The following RASA1 variants were observed in gnomAD, a reference collection of about 807,000 sequenced individuals.
RASA1 encodes RAS p21 protein activator 1, also known as ras GTPase-activating protein 1.
RASA1 carries 25 observed loss-of-function variants against 132.2 expected under a neutral mutation model. The ratio of observed to expected loss-of-function variants is 0.19; its 90% confidence interval spans 0.14 to 0.26. The LOEUF (loss-of-function observed/expected upper bound fraction) is 0.26. Ranked by LOEUF, RASA1 falls within the 10% of genes least tolerant of loss-of-function variation. The pLI is 1.00. For missense variants in RASA1, 964 were observed against 1,299.2 expected, an observed-to-expected ratio of 0.74 and a Z score of 3.97; for synonymous variants, 477 against 449.9, an observed-to-expected ratio of 1.06 and a Z score of -0.76.
chr5:87,321,522 G>T (rs1462748031), intron 1 of RASA1, among the ~76,000 whole-genome samples: 3 of 152,182 alleles, frequency 2.0e-5, no homozygotes, highest in African/African-American at 7.2e-5. Flanking sequence ...CTTTGGGTTG[G>T]ATTAATTTGC....
intron 18 of RASA1, among the ~76,000 whole-genome samples, chr5:87,379,482 CA>C (rs1426907104): frequency 6.6e-6 from 1 of 152,080 alleles, no homozygotes; most frequent in African/African-American, 2.4e-5. Flanking sequence ...TTTTTCCCCT[CA>C]AATAAATAGA....
At chr5:87,359,000 G>A (rs142844739) in intron 9 of RASA1, among the ~76,000 whole-genome samples, 12 of 152,204 alleles carry the variant, frequency 7.9e-5, no homozygotes, top group Admixed American at 2.6e-4. Context: ...TCAACCCTGC[G>A]GAGCACTTAC....
intron 16 of RASA1, 30 bp downstream of exon 16, chr5:87,376,595 G>T: frequency 6.2e-7 from 1 of 1,600,150 alleles, no homozygotes. Context: ...TCTTGTTTTT[G>T]TTGGAATTAA....
intron 1 of RASA1, among the ~76,000 whole-genome samples, chr5:87,269,986 A>T (rs1034255873): frequency 4.6e-5 from 7 of 152,216 alleles, no homozygotes; most frequent in African/African-American, 1.7e-4. Flanking sequence ...TCACACCTGT[A>T]ATCCCAGCAC....
intron 18 of RASA1, 37 bp downstream of exon 18, chr5:87,378,575 G>T (rs761577815): frequency 3.2e-6 from 5 of 1,558,288 alleles, no homozygotes; most frequent in Non-Finnish European, 4.4e-6. Context: ...TTTTTGCAAA[G>T]AACATATTTT....
intron 9 of RASA1, among the ~76,000 whole-genome samples, chr5:87,353,778 G>A (rs948267263): frequency 1.3e-5 from 2 of 152,078 alleles, no homozygotes; most frequent in East Asian, 3.9e-4. Context: ...AGACAAAAGT[G>A]AATAGAATCT....
intron 9 of RASA1, among the ~76,000 whole-genome samples, chr5:87,358,230 CAA>C (rs111743082): frequency 1.3e-5 from 2 of 152,208 alleles, no homozygotes; most frequent in African/African-American, 4.8e-5. Context: ...CTTTTTGAGG[CAA>C]GCATTAGACA....
intron 1 of RASA1, among the ~76,000 whole-genome samples, chr5:87,270,751 C>G (rs1561246493): frequency 7.0e-6 from 1 of 142,522 alleles, no homozygotes; most frequent in African/African-American, 2.6e-5. Context: ...TTACCCTAAT[C>G]CATTTTTGAC....
intron 1 of RASA1, among the ~76,000 whole-genome samples, chr5:87,303,979 G>A (rs1208092223): frequency 6.7e-6 from 1 of 150,124 alleles, no homozygotes; most frequent in African/African-American, 2.5e-5. Flanking sequence ...GACCACAGGC[G>A]CCCACCACTA....
intron 1 of RASA1, among the ~76,000 whole-genome samples, chr5:87,308,778 A>G (rs565581592): frequency 2.0e-4 from 30 of 152,348 alleles, no homozygotes; most frequent in South Asian, 4.1e-4. Context: ...ATACACAAAT[A>G]CCACTGTGTG....
At position 87,270,807 on chromosome 5, in the gene RASA1, T is replaced by C. The variant is rs532817880; in HGVS notation, c.539+1817T>C. Reference sequence around the variant, plus strand: ...ACTTAAAGGGGAAAAGTAAAGTTAGTCATATTTATGCCAGCCAACGGGATG... The same window carrying C: ...ACTTAAAGGGGAAAAGTAAAGTTAGCCATATTTATGCCAGCCAACGGGATG... On this transcript the variant is annotated intron_variant, in intron 1 of 24. Coordinates refer to ENST00000274376, the MANE Select transcript of RASA1 (RefSeq NM_002890.3). 2.8e-3 allele frequency among the ~76,000 whole-genome samples: 422 copies of C among 152,120 alleles called. 5 individuals are homozygous for C. Among genetic ancestry groups the C allele is most frequent in the African/African-American group, 9.8e-3 (405 of 41,494 alleles).
intron 1 of RASA1, among the ~76,000 whole-genome samples, chr5:87,287,812 A>G (rs1395323353): frequency 1.4e-5 from 2 of 143,992 alleles, no homozygotes; most frequent in African/African-American, 2.6e-5. Context: ...CACCATATAT[A>G]TACCATATAT....
intron 4 of RASA1, among the ~76,000 whole-genome samples, chr5:87,337,543 GTTAA>G (rs1335533536): frequency 6.6e-6 from 1 of 151,960 alleles, no homozygotes. Flanking sequence ...TGTATAGTGT[GTTAA>G]TTATATTTAT....
chr5:87,350,178 A>G (rs995836403), intron 8 of RASA1, among the ~76,000 whole-genome samples: 4 of 151,840 alleles, frequency 2.6e-5, no homozygotes, highest in African/African-American at 9.7e-5. Context: ...AAAAACAAAA[A>G]CAAGTTCTTC....
chr5:87,269,329 G>A (rs1753721029), intron 1 of RASA1: 3 of 1,532,032 alleles, frequency 2.0e-6, no homozygotes, highest in Non-Finnish European at 2.6e-6. Context: ...TACCAAGGCA[G>A]TCATAGTGTA....
At chr5:87,297,546 G>A (rs973204424) in intron 1 of RASA1, among the ~76,000 whole-genome samples, 4 of 152,162 alleles carry the variant, frequency 2.6e-5, no homozygotes, top group African/African-American at 9.7e-5. Context: ...ACTGGAATTT[G>A]GTATTTCCCT....
At chr5:87,354,914 C>T (rs568201891) in intron 9 of RASA1, among the ~76,000 whole-genome samples, 1 of 152,246 alleles carries the variant, frequency 6.6e-6, no homozygotes, top group South Asian at 2.1e-4. Context: ...ATAACATTCC[C>T]TTAAGCCAAA....
In RASA1 at chr5:87,268,857, C is replaced by T; in HGVS notation, c.406C>T (p.Pro136Ser). The change falls in exon 1 of 25, where the codon CCT becomes TCT. Residue 136 changes from proline (P) to serine (S), a missense_variant. Pro to Ser is a moderately conservative substitution (Grantham distance 74, BLOSUM62 -1). This residue lies in a region of RASA1 where 326 missense variants were observed against 275.8 expected (regional missense o/e 1.18). Coordinates refer to ENST00000274376, the MANE Select transcript of RASA1 (RefSeq NM_002890.3). Reference sequence around the variant, plus strand: ...TCTCGGGCCAGGCGGCGGTTTTCCCCCTCTGCCCCCTCCCCCTTACCTGCC... The same window carrying T: ...TCTCGGGCCAGGCGGCGGTTTTCCCTCTCTGCCCCCTCCCCCTTACCTGCC... ...ETLGPGGGFPPLPPPPYLPPL... is the reference protein window; with the variant it reads ...ETLGPGGGFPSLPPPPYLPPL... The T allele has an allele frequency of 6.2e-7, 1 of 1,614,180 alleles. No homozygotes were observed. Among genetic ancestry groups the T allele is most frequent in the South Asian group, 1.1e-5 (1 of 91,084 alleles).
At chr5:87,364,236 C>A (rs1157061495) in intron 11 of RASA1, among the ~76,000 whole-genome samples, 4 of 152,076 alleles carry the variant, frequency 2.6e-5, no homozygotes, top group Non-Finnish European at 4.4e-5. Context: ...GGCAAATCTA[C>A]GTTTTATCCT....
Sources: allele counts gnomAD v4.1 joint callset (sites outside exome capture counted in the v4.1 genomes callset), GRCh38; gene constraint gnomAD v4.1.1; regional missense constraint gnomAD v4.1.1; transcripts MANE v1.5; gene names NCBI Gene and HGNC (gene_info 2026-07-23, HGNC 2026-07-21).